KCNQ5: variants seen among roughly 807,000 people sequenced by gnomAD.
KCNQ5 encodes the protein potassium voltage-gated channel subfamily Q member 5, also known as potassium voltage-gated channel subfamily KQT member 5.
In KCNQ5, 30 loss-of-function variants were observed where a neutral mutation model predicts 98.2. The ratio of observed to expected loss-of-function variants is 0.31; its 90% CI spans 0.23 to 0.41. KCNQ5 has a LOEUF of 0.41. Among genes scored for constraint, KCNQ5 ranks in the 10% least tolerant of loss-of-function variants. KCNQ5 has a pLI of 1.00. For synonymous variants in KCNQ5, 458 were observed against 449.4 expected, an observed-to-expected ratio of 1.02 and a Z score of -0.24; for missense variants, 835 against 1,182.5, an observed-to-expected ratio of 0.71 and a Z score of 4.31.
At chr6:72,905,316 C>A (rs1779657529) in intron 1 of KCNQ5, among the ~76,000 whole-genome samples, 1 of 152,156 alleles carries the variant, frequency 6.6e-6, no homozygotes, top group Non-Finnish European at 1.5e-5. Context: ...CTGGGCTTCA[C>A]CTGTCTCTAG....
intron 1 of KCNQ5, among the ~76,000 whole-genome samples, chr6:72,870,993 G>GT (rs1039811672): frequency 2.6e-5 from 4 of 152,102 alleles, no homozygotes; most frequent in African/African-American, 9.7e-5. Context: ...AAAAGAATAG[G>GT]TTTTTTAGCT....
intron 2 of KCNQ5, among the ~76,000 whole-genome samples, chr6:73,024,362 C>T (rs572336844): frequency 0.012 from 17 of 1,412 alleles, no homozygotes; most frequent in Middle Eastern, 0.25. Context: ...CAACTGAAAG[C>T]GATAGATAGA....
chr6:73,082,591 AC>A (rs921240375), intron 5 of KCNQ5, among the ~76,000 whole-genome samples: 17 of 152,198 alleles, frequency 1.1e-4, no homozygotes, highest in African/African-American at 4.1e-4. Flanking sequence ...CTCATCTCTT[AC>A]ACACACGTAT....
chr6:72,716,502 C>G (rs114572961), intron 1 of KCNQ5, among the ~76,000 whole-genome samples: 3,942 of 152,312 alleles, frequency 0.026, 177 homozygotes, highest in African/African-American at 0.089. Context: ...GTGGGTGAAA[C>G]CCGGCTCTAG....
At chr6:72,970,510 C>G (rs529568390) in intron 1 of KCNQ5, among the ~76,000 whole-genome samples, 5 of 152,208 alleles carry the variant, frequency 3.3e-5, no homozygotes, top group African/African-American at 1.2e-4. Flanking sequence ...AGTACCAAAG[C>G]TAATTACCAG....
intron 1 of KCNQ5, among the ~76,000 whole-genome samples, chr6:72,798,596 AT>A (rs1774468192): frequency 6.6e-6 from 1 of 152,140 alleles, no homozygotes; most frequent in South Asian, 2.1e-4. Context: ...CTACATCTCC[AT>A]TTTTTATAAA....
chr6:72,648,502 A>G (rs897310910), intron 1 of KCNQ5, among the ~76,000 whole-genome samples: 5 of 152,150 alleles, frequency 3.3e-5, no homozygotes, highest in Non-Finnish European at 5.9e-5. Context: ...AAACATTTTT[A>G]TAGTGTGAGA....
chr6:72,765,445 G>A (rs1227321081), intron 1 of KCNQ5, among the ~76,000 whole-genome samples: 4 of 152,030 alleles, frequency 2.6e-5, no homozygotes, highest in Non-Finnish European at 5.9e-5. Context: ...ACTTTACACT[G>A]GGTGGTCAGG....
At chr6:73,179,247 C>G (rs6937253) in intron 11 of KCNQ5, among the ~76,000 whole-genome samples, 54,975 of 151,826 alleles carry the variant, frequency 0.36, 11,070 homozygotes, top group East Asian at 0.56. Context: ...CCAAGGTGGG[C>G]AGGTGTATCT....
At chr6:73,092,193 G>A (rs1774284488) in intron 5 of KCNQ5, among the ~76,000 whole-genome samples, 1 of 152,012 alleles carries the variant, frequency 6.6e-6, no homozygotes, top group African/African-American at 2.4e-5. Context: ...CGCTGTTGGT[G>A]TATAGAAGAG....
chr6:73,159,131 A>G (rs978706004), intron 10 of KCNQ5, among the ~76,000 whole-genome samples: 1 of 151,876 alleles, frequency 6.6e-6, no homozygotes, highest in Non-Finnish European at 1.5e-5. Flanking sequence ...GATAAAGAAA[A>G]TGTGTTACAT....
intron 3 of KCNQ5, among the ~76,000 whole-genome samples, chr6:73,065,028 A>C (rs1247522970): frequency 1.4e-5 from 2 of 143,240 alleles, no homozygotes; most frequent in Non-Finnish European, 3.0e-5. Flanking sequence ...CTGATATTGC[A>C]AGGGATTCGT....
At chr6:72,767,027 C>T (rs1380234860) in intron 1 of KCNQ5, among the ~76,000 whole-genome samples, 1 of 151,876 alleles carries the variant, frequency 6.6e-6, no homozygotes. Flanking sequence ...GATAAGAGAA[C>T]TTGCTGATGG....
intron 1 of KCNQ5, among the ~76,000 whole-genome samples, chr6:72,692,470 A>T (rs1768260943): frequency 6.6e-6 from 1 of 152,176 alleles, no homozygotes; most frequent in Admixed American, 6.5e-5. Flanking sequence ...TCCTTCCTCT[A>T]CACTTCTAGA....
At chr6:72,908,699 T>C (rs555920300) in intron 1 of KCNQ5, among the ~76,000 whole-genome samples, 1 of 152,116 alleles carries the variant, frequency 6.6e-6, no homozygotes, top group Admixed American at 6.5e-5. Context: ...CAACAAGCCA[T>C]AGTGAATTAT....
At chr6:73,078,904 T>A (rs1773645921) in intron 5 of KCNQ5, among the ~76,000 whole-genome samples, 1 of 152,264 alleles carries the variant, frequency 6.6e-6, no homozygotes, top group Admixed American at 6.5e-5. Flanking sequence ...ATTGGAGCTA[T>A]GCCGTAATAA....
intron 1 of KCNQ5, among the ~76,000 whole-genome samples, chr6:72,682,221 A>C (rs1029102073): frequency 2.0e-5 from 3 of 152,106 alleles, no homozygotes; most frequent in Admixed American, 1.3e-4. Flanking sequence ...AAAACAAAAA[A>C]CGCTCTATAT....
At chr6:72,828,931 C>T (rs1292215040) in intron 1 of KCNQ5, among the ~76,000 whole-genome samples, 1 of 151,872 alleles carries the variant, frequency 6.6e-6, no homozygotes, top group Non-Finnish European at 1.5e-5. Context: ...ATACAACCTA[C>T]AAAATAAAAT....
chr6:73,058,829 T>A (rs1411174131), intron 3 of KCNQ5, among the ~76,000 whole-genome samples: 1 of 152,154 alleles, frequency 6.6e-6, no homozygotes, highest in Non-Finnish European at 1.5e-5. Context: ...ACATTACTAA[T>A]CTTTAGAGAA....
Sources: allele counts gnomAD v4.1 joint callset (sites outside exome capture counted in the v4.1 genomes callset), GRCh38; gene constraint gnomAD v4.1.1; transcripts MANE v1.5; gene names NCBI Gene and HGNC (gene_info 2026-07-23, HGNC 2026-07-21).